Variants in CRELD1 observed in about 807,000 individuals in gnomAD.
The protein encoded by CRELD1 is CRELD disulfide isomerase 1.
A neutral mutation model predicts 58.2 loss-of-function variants in CRELD1; 42 were observed. The observed-to-expected ratio is 0.72, with a 90% confidence interval of 0.56 to 0.93. The LOEUF is 0.93. CRELD1 is among the 40% of genes least tolerant of loss of function. The probability of loss-of-function intolerance (pLI) is 0.00; values close to 1 mark genes in which losing one functional copy is unlikely to be tolerated. For missense variants in CRELD1, 500 were observed against 540.6 expected, an observed-to-expected ratio of 0.92 and a Z score of 0.74; for synonymous variants, 222 against 202.0, an observed-to-expected ratio of 1.10 and a Z score of -0.84.
chr3:9,937,753 G>C, intron 4 of CRELD1, 81 bp downstream of exon 4: 2 of 1,019,038 alleles, frequency 2.0e-6, no homozygotes, highest in Non-Finnish European at 3.0e-6. Flanking sequence ...AGAAGCAGGG[G>C]GGTGCATGCT....
intron 5 of CRELD1, chr3:9,938,432 T>G (rs1389874929): frequency 1.2e-5 from 4 of 342,986 alleles, no homozygotes; most frequent in African/African-American, 2.1e-5. Context: ...ACCTGGAGCC[T>G]CCATGATCGC....
At chr3:9,935,281 T>C (rs902476379) in intron 3 of CRELD1, among the ~76,000 whole-genome samples, 11 of 152,292 alleles carry the variant, frequency 7.2e-5, no homozygotes, top group Admixed American at 5.2e-4. Context: ...AGGATGGGAC[T>C]GAGCTTGGTG....
At position 9,938,056 on chromosome 3, in the gene CRELD1, A is replaced by T; in HGVS notation, c.410A>T (p.Asp137Val). ...APDLFQWLCS[D>V]SLKLCCPAGT... ...GACCTCTTCCAGTGGCTGTGCTCAG[A>T]TTCCCTGAAGCTCTGCTGCCCCGCA... The change falls in exon 5 of 11, where the codon GAT (aspartate) becomes GTT (valine). Residue 137 changes from aspartate to valine, a missense_variant. Asp to Val is a radical substitution (Grantham distance 152). Coordinates refer to ENST00000452070, the MANE Select transcript of CRELD1 (RefSeq NM_001077415.3). 6.2e-7 allele frequency: 1 copy of T among 1,613,960 alleles called. No individual in the cohort carries two copies. Among genetic ancestry groups the T allele is most frequent in the Non-Finnish European group, 8.5e-7 (1 of 1,180,004 alleles).
Position 9,937,563 on chromosome 3 carries a change from G to T in CRELD1, c.259G>T (p.Glu87Ter). Residue 87 changes from glutamate to a stop codon, truncating the protein, a stop_gained and splice_region_variant, in exon 4 of 11, where the codon GAG becomes TAG. Coordinates refer to ENST00000452070, the MANE Select transcript of CRELD1 (RefSeq NM_001077415.3). LOFTEE classifies it high-confidence loss of function. ...EENLSKYKDSETRLVEVLEGV... is the reference protein window; with the variant it reads ...EENLSKYKDS ...ACCAGCCCTGCCCTGTCCGATCAGTGAGACCCGCCTGGTAGAGGTGCTGGA... is the reference window on the plus strand; with the variant it reads ...ACCAGCCCTGCCCTGTCCGATCAGTTAGACCCGCCTGGTAGAGGTGCTGGA... The T allele has an allele frequency of 6.2e-7, 1 of 1,608,924 alleles. No individual in the cohort carries two copies. The highest frequency in any genetic ancestry group is 8.5e-7 in the Non-Finnish European group (1 of 1,177,680).
At chr3:9,937,726 A>ATCACC in intron 4 of CRELD1, 54 bp downstream of exon 4, 3 of 1,282,554 alleles carry the variant, frequency 2.3e-6, no homozygotes, top group Non-Finnish European at 3.4e-6. Flanking sequence ...GCCTGGTGAT[A>ATCACC]AGGCCTGATT....
chr3:9,942,942 A>G (rs926204346), intron 8 of CRELD1, 46 bp downstream of exon 8: 3 of 1,547,816 alleles, frequency 1.9e-6, no homozygotes, highest in African/African-American at 2.7e-5. Context: ...GAGTGGAGGA[A>G]GAGCTGCTCC....
intron 5 of CRELD1, among the ~76,000 whole-genome samples, chr3:9,940,005 G>A (rs1170064311): frequency 6.6e-6 from 1 of 151,974 alleles, no homozygotes. Context: ...CTGCCCGGCG[G>A]AGACACTTCT....
chr3:9,942,917 AG>A (rs1426346992), intron 8 of CRELD1, 21 bp downstream of exon 8: 1 of 1,605,900 alleles, frequency 6.2e-7, no homozygotes. Flanking sequence ...ACTTCTGCAG[AG>A]GAGGGGACGT....
At chr3:9,942,590 C>A (rs544457112) in intron 7 of CRELD1, among the ~76,000 whole-genome samples, 3 of 152,254 alleles carry the variant, frequency 2.0e-5, no homozygotes, top group Admixed American at 2.0e-4. Context: ...ATCCTGTTGG[C>A]CAGAACTCAA....
At position 9,933,852 on chromosome 3, in the gene CRELD1, G is replaced by A. The variant is rs961111875; in HGVS notation, c.-88G>A. ...TTTACGCAGGCTGTGGCAGCGACGC[G>A]GTGAGGAGACGGCCCACGGCGCCCG... On this transcript the variant is annotated 5_prime_UTR_variant, in exon 1 of 11. Transcript: ENST00000452070. 1.2e-5 allele frequency: 6 copies of A among 516,270 alleles called. No individual in the cohort carries two copies. Among genetic ancestry groups the A allele is most frequent in the Admixed American group, 3.8e-5 (1 of 26,022 alleles). 32.0% of individuals were successfully genotyped at this position (516,270 alleles called of 1,614,324 possible).
Position 9,938,089 on chromosome 3 carries a change from T to G in CRELD1, c.443T>G (p.Phe148Cys). The change falls in exon 5 of 11, where the codon TTC becomes TGC. Residue 148 changes from phenylalanine to cysteine, a missense_variant. Physicochemically the swap from Phe to Cys is radical, Grantham distance 205 (BLOSUM62 -2). Transcript: ENST00000452070. ...SLKLCCPAGT[F>C]GPSCLPCPGG... ...AAGCTCTGCTGCCCCGCAGGCACCT[T>G]CGGGCCCTCCTGCCTTCGTGAGTTT... The G allele has an allele frequency of 6.2e-7, 1 of 1,613,726 alleles. No homozygotes were observed. Among genetic ancestry groups the G allele is most frequent in the South Asian group, 1.1e-5 (1 of 91,064 alleles).
intron 5 of CRELD1, among the ~76,000 whole-genome samples, chr3:9,940,551 G>A (rs922421367): frequency 7.2e-5 from 11 of 151,908 alleles, no homozygotes; most frequent in Admixed American, 1.3e-4. Flanking sequence ...GCCTGCAATC[G>A]CAGGCACTCG....
At chr3:9,939,376 C>G (rs961575531) in intron 5 of CRELD1, among the ~76,000 whole-genome samples, 2 of 151,290 alleles carry the variant, frequency 1.3e-5, no homozygotes, top group African/African-American at 2.4e-5. Flanking sequence ...GGTGTTTCTC[C>G]CAGAGGGGGA....
chr3:9,938,032 A>C lies in CRELD1; in HGVS notation c.386A>C (p.Asp129Ala), dbSNP rs773370193. ...TGCCTCAGGCAGCAGGAGGCCCCGG[A>C]CCTCTTCCAGTGGCTGTGCTCAGAT... Reference protein sequence around the residue: ...WWFHKQQEAPDLFQWLCSDSL... With the variant: ...WWFHKQQEAPALFQWLCSDSL... Residue 129 changes from aspartate to alanine, a missense_variant, in exon 5 of 11, where the codon GAC becomes GCC. Asp to Ala is a moderately radical substitution (Grantham distance 126). Transcript: ENST00000452070. The C allele has an allele frequency of 6.2e-7, 1 of 1,613,486 alleles. No individual in the cohort carries two copies. Among genetic ancestry groups the C allele is most frequent in the Non-Finnish European group, 8.5e-7 (1 of 1,179,868 alleles).
In CRELD1 at chr3:9,944,480, G is replaced by A. The variant is rs749176073; in HGVS notation, c.1164G>A (p.Val388=). ...CGCTGGCTGCTAAGGGCGACTTGGT[G>A]TTCACCGCCATCTTCATTGGGGCTG... ...LATLAAKGDL[V]FTAIFIGAVA... The change falls in exon 11 of 11, where the codon GTG becomes GTA. Residue 388 remains valine (V), a synonymous_variant. Transcript: ENST00000452070. 11 of 1,613,318 alleles carry A rather than the reference G, an allele frequency of 6.8e-6. No individual in the cohort carries two copies. In the Admixed American group the frequency reaches 1.7e-4, roughly 24 times the overall value.
At chr3:9,939,038 C>G (rs1187628186) in intron 5 of CRELD1, among the ~76,000 whole-genome samples, 1 of 151,512 alleles carries the variant, frequency 6.6e-6, no homozygotes, top group East Asian at 1.9e-4. Flanking sequence ...CCTGTTGTTC[C>G]CCTAGGCTGA....
chr3:9,943,639 G>A (rs1004637416), intron 10 of CRELD1, 124 bp downstream of exon 10: 1 of 1,579,296 alleles, frequency 6.3e-7, no homozygotes, highest in South Asian at 1.2e-5. Flanking sequence ...CCCCCTGGAG[G>A]CTGCACTGAG....
At chr3:9,935,081 G>A (rs1181425950) in intron 3 of CRELD1, 164 bp downstream of exon 3, 2 of 614,038 alleles carry the variant, frequency 3.3e-6, no homozygotes, top group Non-Finnish European at 5.8e-6. Flanking sequence ...CCCCCTTCCT[G>A]GAGCTCACAT....
rs1344312586 is a variant in CRELD1 at position 9,945,079 on chromosome 3, G to A, written c.*500G>A. 5.2e-6 allele frequency: 1 copy of A among 190,638 alleles called. No individual in the cohort carries two copies. Among genetic ancestry groups the A allele is most frequent in the Admixed American group, 5.3e-5 (1 of 18,886 alleles). The allele number at this position is 190,638 out of a possible 1,614,324, so 11.8% of individuals were successfully genotyped here. A position where few individuals can be genotyped will look rare whatever the true frequency, so the allele number is the denominator to read the frequency against. On this transcript the variant is annotated 3_prime_UTR_variant, in exon 11 of 11. Transcript: ENST00000452070. ...CCCACCACCCCCACCTTAGGGAAAT[G>A]TCCTAGAATCCTGGGAAATTGAGGG...
Sources: allele counts gnomAD v4.1 joint callset (sites outside exome capture counted in the v4.1 genomes callset), GRCh38; gene constraint gnomAD v4.1.1; transcripts MANE v1.5; gene names NCBI Gene and HGNC (gene_info 2026-07-23, HGNC 2026-07-21).